Variants in DIP2C observed in about 807,000 individuals in gnomAD.
DIP2C encodes disco-interacting protein 2 homolog C.
DIP2C carries 33 observed loss-of-function variants against 192.4 expected under a neutral mutation model. The ratio of observed to expected loss-of-function variants is 0.17; its 90% confidence interval spans 0.13 to 0.23. DIP2C has a LOEUF of 0.23. Among genes scored for constraint, DIP2C ranks in the 10% least tolerant of loss-of-function variants. The pLI, the probability that DIP2C is intolerant of heterozygous loss-of-function variation, is 1.00. For missense variants in DIP2C, 1,537 were observed against 2,110.1 expected (o/e 0.73, Z 5.32); for synonymous variants, 979 against 864.1 (o/e 1.13, Z -2.33).
At chr10:365,334 A>G (rs1229641044) in intron 19 of DIP2C, among the ~76,000 whole-genome samples, 1 of 152,114 alleles carries the variant, frequency 6.6e-6, no homozygotes, top group African/African-American at 2.4e-5. Flanking sequence ...GGAGTTTGAG[A>G]TCAGCCTGGA....
chr10:496,869 A>G (rs565303215), intron 1 of DIP2C, among the ~76,000 whole-genome samples: 1 of 152,336 alleles, frequency 6.6e-6, no homozygotes, highest in East Asian at 1.9e-4. Context: ...TCACACCCGT[A>G]ATCCCAGCAC....
At chr10:503,171 G>T (rs985946749) in intron 1 of DIP2C, among the ~76,000 whole-genome samples, 2 of 149,888 alleles carry the variant, frequency 1.3e-5, no homozygotes, top group Non-Finnish European at 3.0e-5. Context: ...ATTCCGCCAG[G>T]ATGCCTACCT....
intron 1 of DIP2C, among the ~76,000 whole-genome samples, chr10:686,442 C>T (rs1297668117): frequency 6.6e-6 from 1 of 152,080 alleles, no homozygotes; most frequent in Non-Finnish European, 1.5e-5. Context: ...ACCCACACAG[C>T]CTCCCCACCC....
At chr10:464,746 T>C (rs1286526169) in intron 3 of DIP2C, among the ~76,000 whole-genome samples, 1 of 152,206 alleles carries the variant, frequency 6.6e-6, no homozygotes, top group Non-Finnish European at 1.5e-5. Context: ...CCATCAATGA[T>C]AGACTGGATA....
rs1322970320 is a variant in DIP2C, at chr10:626,458, AGTTACCCTCCGTCCCCCGTCCCCGGG to A, written c.85+63010_85+63035del. Among the ~76,000 whole-genome samples the A allele has an allele frequency of 8.8e-5, 12 of 135,648 alleles. No individual in the cohort carries two copies. The South Asian group carries it at 1.9e-3, about 21-fold the overall frequency. 89.0% of individuals were successfully genotyped at this position (135,648 alleles called of 152,430 possible). On this transcript the variant is annotated intron_variant, in intron 1 of 36. Transcript: ENST00000280886. ...TTACCCTCCGTCCCCCCGTCCCCGG[AGTTACCCTCCGTCCCCCGTCCCCGGG>A]GTTACCCTCCATCCCATCCCTGGTG...
intron 34 of DIP2C, 88 bp downstream of exon 34, chr10:286,185 G>C: frequency 8.3e-7 from 1 of 1,210,404 alleles, no homozygotes; most frequent in South Asian, 1.3e-5. Context: ...GGCAGATGGA[G>C]GGCATGTGAG....
At chr10:583,297 TAGC>T (rs1225856013) in intron 1 of DIP2C, among the ~76,000 whole-genome samples, 4 of 152,254 alleles carry the variant, frequency 2.6e-5, no homozygotes, top group Non-Finnish European at 4.4e-5. Context: ...GCACCTCTCT[TAGC>T]AGAAAGAGAA....
At chr10:552,942 A>G (rs955490618) in intron 1 of DIP2C, among the ~76,000 whole-genome samples, 2 of 152,256 alleles carry the variant, frequency 1.3e-5, no homozygotes, top group Non-Finnish European at 2.9e-5. Flanking sequence ...GGAGGCCCAG[A>G]AGGCCGAGCC....
intron 1 of DIP2C, among the ~76,000 whole-genome samples, chr10:580,770 G>A (rs1035007050): frequency 6.6e-6 from 1 of 152,034 alleles, no homozygotes; most frequent in Admixed American, 6.5e-5. Flanking sequence ...ATACAAAGAG[G>A]GTTTTAAGGA....
intron 34 of DIP2C, among the ~76,000 whole-genome samples, chr10:284,160 C>T (rs533101953): frequency 6.6e-6 from 1 of 152,198 alleles, no homozygotes; most frequent in Non-Finnish European, 1.5e-5. Context: ...GCTGTGGAGA[C>T]ATTCTGGGCT....
chr10:498,597 T>A (rs1412485072), intron 1 of DIP2C, among the ~76,000 whole-genome samples: 1 of 152,222 alleles, frequency 6.6e-6, no homozygotes, highest in Non-Finnish European at 1.5e-5. Flanking sequence ...AAGGGATGAC[T>A]GACTTCCATT....
intron 3 of DIP2C, among the ~76,000 whole-genome samples, chr10:447,967 C>T (rs1352493877): frequency 1.7e-4 from 19 of 110,398 alleles, no homozygotes; most frequent in African/African-American, 6.1e-4. Context: ...ACCCAATCAC[C>T]CCCGTTGATA....
At chr10:647,712 G>A (rs1291234197) in intron 1 of DIP2C, among the ~76,000 whole-genome samples, 1 of 147,398 alleles carries the variant, frequency 6.8e-6, no homozygotes, top group Non-Finnish European at 1.5e-5. Flanking sequence ...CGTCCACACT[G>A]GATGGTGGGA....
chr10:659,033 TCA>T (rs1378001483), intron 1 of DIP2C, among the ~76,000 whole-genome samples: 7 of 151,138 alleles, frequency 4.6e-5, no homozygotes, highest in Non-Finnish European at 1.0e-4. Flanking sequence ...ATTCACATAA[TCA>T]CATTCATAAT....
At chr10:286,188 CATG>C in intron 34 of DIP2C, 82 bp downstream of exon 34, 2 of 1,246,348 alleles carry the variant, frequency 1.6e-6, no homozygotes, top group South Asian at 2.5e-5. Context: ...AGATGGAGGG[CATG>C]TGAGCAGTTC....
chr10:393,461 A>G (rs1392048310), intron 10 of DIP2C, among the ~76,000 whole-genome samples: 1 of 152,170 alleles, frequency 6.6e-6, no homozygotes, highest in Admixed American at 6.5e-5. Context: ...CCACATCACT[A>G]ATCATCAGGG....
At chr10:502,691 T>G (rs915755394) in intron 1 of DIP2C, among the ~76,000 whole-genome samples, 1 of 152,136 alleles carries the variant, frequency 6.6e-6, no homozygotes, top group Non-Finnish European at 1.5e-5. Context: ...TGGCAATTAG[T>G]ATTTGGGACC....
At chr10:558,611 A>G (rs1849034600) in intron 1 of DIP2C, among the ~76,000 whole-genome samples, 1 of 152,146 alleles carries the variant, frequency 6.6e-6, no homozygotes. Flanking sequence ...TCTCGGGGAA[A>G]GGCAGCTTCT....
chr10:392,826 A>G (rs1221408833), intron 10 of DIP2C, among the ~76,000 whole-genome samples: 2 of 148,792 alleles, frequency 1.3e-5, no homozygotes, highest in East Asian at 1.9e-4. Flanking sequence ...GCACACACAC[A>G]CACACGCCCA....
Sources: gnomAD v4.1 joint callset for allele counts (sites outside exome capture counted in the v4.1 genomes callset) on GRCh38, gnomAD v4.1.1 for gene constraint, MANE v1.5 for transcripts, NCBI Gene and HGNC (gene_info 2026-07-23, HGNC 2026-07-21) for gene names.